The following XKR6 variants were observed in gnomAD, a reference collection of about 807,000 sequenced individuals.
The protein encoded by XKR6 is XK-related protein 6.
In XKR6, 22 loss-of-function variants were observed where a neutral mutation model predicts 56.7. That is an observed-to-expected ratio of 0.39 (90% CI 0.28 to 0.55). XKR6 has a LOEUF of 0.55. XKR6 is among the 20% of genes least tolerant of loss of function. The pLI is 0.66. For missense variants in XKR6, 852 were observed against 889.0 expected (o/e 0.96, Z 0.53); for synonymous variants, 524 against 387.8 (o/e 1.35, Z -4.13).
chr8:11,170,011 A>C (rs1362234660), intron 1 of XKR6, among the ~76,000 whole-genome samples: 1 of 152,200 alleles, frequency 6.6e-6, no homozygotes, highest in African/African-American at 2.4e-5. Context: ...GAGACTTGAA[A>C]ATGGAAGTCT....
chr8:10,948,434 C>T (rs1801614709), intron 1 of XKR6, among the ~76,000 whole-genome samples: 1 of 152,170 alleles, frequency 6.6e-6, no homozygotes, highest in Non-Finnish European at 1.5e-5. Flanking sequence ...CTGCCCCCTG[C>T]CCTGGCTGAG....
chr8:11,084,176 G>A (rs1368699914), intron 1 of XKR6, among the ~76,000 whole-genome samples: 1 of 152,162 alleles, frequency 6.6e-6, no homozygotes, highest in South Asian at 2.1e-4. Flanking sequence ...CCCACAGTTT[G>A]GTTTATCCAC....
intron 1 of XKR6, among the ~76,000 whole-genome samples, chr8:11,119,528 T>TC (rs1369259689): frequency 2.0e-5 from 3 of 152,248 alleles, no homozygotes; most frequent in Non-Finnish European, 4.4e-5. Context: ...GACAGTTAGC[T>TC]CTTCTTGTTG....
intron 2 of XKR6, among the ~76,000 whole-genome samples, chr8:10,917,104 G>T (rs73535405): frequency 1.7e-3 from 252 of 151,552 alleles, no homozygotes; most frequent in African/African-American, 5.8e-3. Context: ...TTTGGTGCTG[G>T]TATCTGTGGT....
chr8:11,052,265 T>A (rs1471442527), intron 1 of XKR6, among the ~76,000 whole-genome samples: 10 of 152,060 alleles, frequency 6.6e-5, no homozygotes, highest in Admixed American at 6.5e-4. Flanking sequence ...GGATAGCAGC[T>A]CAGAGGGGCC....
At chr8:11,032,379 G>T (rs1317256237) in intron 1 of XKR6, among the ~76,000 whole-genome samples, 1 of 152,226 alleles carries the variant, frequency 6.6e-6, no homozygotes, top group Non-Finnish European at 1.5e-5. Context: ...GAGCAAAGCT[G>T]TTTGTGGTGT....
At position 10,938,040 on chromosome 8, in the gene XKR6, A is replaced by G. The variant is rs974506808; in HGVS notation, c.765-13210T>C. ...CAGTTTGATCTCAGACTGCTGTGCC[A>G]GCAATCAGCGAGACTCCGTGGGCGT... On this transcript the variant is annotated intron_variant, in intron 1 of 2. Transcript: ENST00000416569. Among the ~76,000 whole-genome samples the G allele has an allele frequency of 8.5e-4, 129 of 152,244 alleles. 2 individuals carry two copies. The highest frequency in any genetic ancestry group is 6.8e-3 in the Middle Eastern group (2 of 294).
intron 1 of XKR6, among the ~76,000 whole-genome samples, chr8:11,036,773 T>C (rs953517753): frequency 2.6e-5 from 4 of 152,242 alleles, no homozygotes; most frequent in African/African-American, 4.8e-5. Flanking sequence ...CTAAGTTATA[T>C]ACCAAATTTT....
chr8:11,059,643 G>A (rs1276108694), intron 1 of XKR6, among the ~76,000 whole-genome samples: 1 of 150,900 alleles, frequency 6.6e-6, no homozygotes, highest in African/African-American at 2.4e-5. Context: ...GGGCGGGGCG[G>A]GACAGGTGCG....
At chr8:10,956,414 C>A (rs1801889758) in intron 1 of XKR6, among the ~76,000 whole-genome samples, 1 of 152,188 alleles carries the variant, frequency 6.6e-6, no homozygotes, top group Admixed American at 6.5e-5. Context: ...CCCAACACCC[C>A]ATACAAAGCA....
rs568099734 is a variant in XKR6 at position 11,166,594 on chromosome 8, T to C, written c.764+33982A>G. ...TTTATTTATTTATTTATTTTTGAGA[T>C]GGAGTTTCACTCTTGTCGCTCAGGC... On this transcript the variant is annotated intron_variant, in intron 1 of 2. Coordinates refer to ENST00000416569, the MANE Select transcript of XKR6 (RefSeq NM_173683.4). Among the ~76,000 whole-genome samples, 10 of 150,602 alleles carry C rather than the reference T, an allele frequency of 6.6e-5. No individual in the cohort carries two copies. In the East Asian group the frequency reaches 1.7e-3, roughly 26 times the overall value.
chr8:10,990,777 T>A (rs1276237951), intron 1 of XKR6, among the ~76,000 whole-genome samples: 1 of 151,984 alleles, frequency 6.6e-6, no homozygotes, highest in Non-Finnish European at 1.5e-5. Context: ...GAGACGAGAT[T>A]TTGTCCTGCT....
At chr8:11,138,021 C>T in intron 1 of XKR6, 1 of 276,910 alleles carries the variant, frequency 3.6e-6, no homozygotes, top group South Asian at 3.6e-5. Flanking sequence ...GACATCAGAG[C>T]AGAAGGGTGG....
At chr8:11,156,846 C>T (rs1239226546) in intron 1 of XKR6, among the ~76,000 whole-genome samples, 1 of 152,080 alleles carries the variant, frequency 6.6e-6, no homozygotes, top group Non-Finnish European at 1.5e-5. Context: ...CACACACACA[C>T]ATACACACAC....
Position 11,200,542 on chromosome 8 carries a change from G to A in XKR6, c.764+34C>T. 2 of 1,433,960 alleles carry A rather than the reference G, an allele frequency of 1.4e-6. No homozygotes were observed. Among genetic ancestry groups the A allele is most frequent in the Non-Finnish European group, 1.8e-6 (2 of 1,103,302 alleles). 88.8% of individuals were successfully genotyped at this position (1,433,960 alleles called of 1,614,324 possible). A position where few individuals can be genotyped will look rare whatever the true frequency, so the allele number is the denominator to read the frequency against. ...CGGGAGGGCGGAGGGGGGCTCCTCAGGGCCGGCCCGCCCCCACCCCGCAGT... is the reference window on the plus strand; with the variant it reads ...CGGGAGGGCGGAGGGGGGCTCCTCAAGGCCGGCCCGCCCCCACCCCGCAGT... On this transcript the variant is annotated intron_variant, in intron 1 of 2. Transcript: ENST00000416569. This position sits in a 1 kb window ranked among gnomAD's most constrained non-coding sequence, Gnocchi z 6.4.
intron 2 of XKR6, among the ~76,000 whole-genome samples, chr8:10,914,728 G>C (rs1263677194): frequency 1.5e-5 from 2 of 132,262 alleles, no homozygotes; most frequent in African/African-American, 6.0e-5. Flanking sequence ...CCCCATGTGG[G>C]AAAGTGGGGG....
intron 1 of XKR6, among the ~76,000 whole-genome samples, chr8:11,193,883 G>A (rs556499013): frequency 3.7e-4 from 57 of 152,018 alleles, no homozygotes; most frequent in African/African-American, 1.2e-3. Flanking sequence ...AAAGACTACT[G>A]AAAAATATAG....
chr8:11,119,724 G>A (rs978950730), intron 1 of XKR6, among the ~76,000 whole-genome samples: 6 of 151,920 alleles, frequency 3.9e-5, no homozygotes, highest in Non-Finnish European at 7.4e-5. Flanking sequence ...TGGGTTTCCT[G>A]AATACAACAT....
At chr8:10,903,106 T>C (rs558084618) in intron 2 of XKR6, among the ~76,000 whole-genome samples, 34 of 152,300 alleles carry the variant, frequency 2.2e-4, no homozygotes, top group African/African-American at 7.9e-4. Context: ...AAACCTGTGA[T>C]GGAGTGCATC....
Sources: gnomAD v4.1 joint callset for allele counts (sites outside exome capture counted in the v4.1 genomes callset) on GRCh38, gnomAD v4.1.1 for gene constraint, Gnocchi (gnomAD v3.1) non-coding constraint, MANE v1.5 for transcripts, NCBI Gene and HGNC (gene_info 2026-07-23, HGNC 2026-07-21) for gene names.